Variants in SORCS3 observed in about 807,000 individuals in gnomAD.
SORCS3 encodes the protein sortilin related VPS10 domain containing receptor 3.
SORCS3 carries 57 observed loss-of-function variants against 146.3 expected under a neutral mutation model. The observed-to-expected ratio is 0.39, with a 90% confidence interval of 0.31 to 0.49. SORCS3 has a LOEUF of 0.49. Among genes scored for constraint, SORCS3 ranks in the 20% least tolerant of loss-of-function variants. The pLI is 0.92. For missense variants in SORCS3, 1,341 were observed against 1,575.5 expected (o/e 0.85, Z 2.52); for synonymous variants, 653 against 618.5 (o/e 1.06, Z -0.83).
intron 5 of SORCS3, among the ~76,000 whole-genome samples, chr10:105,067,853 C>G (rs551589265): frequency 6.6e-6 from 1 of 152,122 alleles, no homozygotes; most frequent in Non-Finnish European, 1.5e-5. Flanking sequence ...TTTTTACCTT[C>G]CTGACCATCC....
At chr10:104,706,915 G>A (rs2016344201) in intron 1 of SORCS3, among the ~76,000 whole-genome samples, 1 of 152,172 alleles carries the variant, frequency 6.6e-6, no homozygotes, top group Non-Finnish European at 1.5e-5. Flanking sequence ...GTGGAAGATT[G>A]CTGTGGTTGC....
rs535596493 is a variant in SORCS3, at chr10:104,981,441, T to C, written c.954+3948T>C. On this transcript the variant is annotated intron_variant, in intron 4 of 26. Transcript: ENST00000369701. ...TTAGAACAAAAGCTCTATAACTTCT[T>C]TTGAGGGCTGTGTCTTTGTCAGTTA... 2.6e-5 allele frequency among the ~76,000 whole-genome samples: 4 copies of C among 152,304 alleles called. No homozygotes were observed. In the South Asian group the frequency reaches 8.3e-4, roughly 32 times the overall value.
chr10:105,042,531 C>T (rs1185128876), intron 4 of SORCS3, among the ~76,000 whole-genome samples: 2 of 152,182 alleles, frequency 1.3e-5, no homozygotes, highest in East Asian at 1.9e-4. Context: ...TCAGACTCTA[C>T]ATTCAAAAAG....
chr10:104,652,987 A>G (rs2015581951), intron 1 of SORCS3, among the ~76,000 whole-genome samples: 1 of 152,252 alleles, frequency 6.6e-6, no homozygotes, highest in Non-Finnish European at 1.5e-5. Flanking sequence ...TGCTTAGGAA[A>G]TAACTTGAAC....
At chr10:105,179,527 G>A (rs1422430906) in intron 14 of SORCS3, among the ~76,000 whole-genome samples, 5 of 152,070 alleles carry the variant, frequency 3.3e-5, no homozygotes, top group Admixed American at 3.3e-4. Flanking sequence ...TTCTTATAGG[G>A]GATCTTTTTA....
At chr10:104,786,358 C>A (rs78456459) in intron 1 of SORCS3, among the ~76,000 whole-genome samples, 2 of 151,354 alleles carry the variant, frequency 1.3e-5, no homozygotes, top group African/African-American at 2.4e-5. Flanking sequence ...TCGAGACCAA[C>A]CTGGCTGACA....
chr10:105,120,283 A>G (rs898265764), intron 7 of SORCS3, among the ~76,000 whole-genome samples: 3 of 152,150 alleles, frequency 2.0e-5, no homozygotes, highest in African/African-American at 7.2e-5. Flanking sequence ...CTTTCCAGCC[A>G]TGTAGAACTG....
At chr10:105,117,495 C>T (rs939150783) in intron 7 of SORCS3, among the ~76,000 whole-genome samples, 6 of 152,146 alleles carry the variant, frequency 3.9e-5, no homozygotes, top group Admixed American at 3.9e-4. Context: ...TTCTCAAGGA[C>T]CTGGCACTAC....
intron 2 of SORCS3, among the ~76,000 whole-genome samples, chr10:104,900,264 G>A (rs557668425): frequency 1.3e-5 from 2 of 152,248 alleles, no homozygotes; most frequent in Non-Finnish European, 2.9e-5. Flanking sequence ...AGGCACTCAG[G>A]TTTGGTATCT....
chr10:105,044,877 T>A (rs1161639038), intron 5 of SORCS3, among the ~76,000 whole-genome samples: 1 of 151,976 alleles, frequency 6.6e-6, no homozygotes, highest in Non-Finnish European at 1.5e-5. Flanking sequence ...TTGCCTGTAT[T>A]TGGAACTATG....
At chr10:104,713,565 C>T (rs1238869207) in intron 1 of SORCS3, among the ~76,000 whole-genome samples, 1 of 152,060 alleles carries the variant, frequency 6.6e-6, no homozygotes, top group Admixed American at 6.6e-5. Context: ...CAGGGTTTTT[C>T]TTCTATAGTC....
intron 3 of SORCS3, among the ~76,000 whole-genome samples, chr10:104,959,671 C>A (rs920811349): frequency 6.6e-6 from 1 of 152,114 alleles, no homozygotes; most frequent in Non-Finnish European, 1.5e-5. Context: ...GAGACAAGAG[C>A]TGTGGAAGAA....
In SORCS3 at chr10:105,003,998, C is replaced by CTTTT. The variant is rs35604992; in HGVS notation, c.954+26506_954+26507insTTTT. On this transcript the variant is annotated intron_variant, in intron 4 of 26. Coordinates refer to ENST00000369701, the MANE Select transcript of SORCS3 (RefSeq NM_014978.3). ...TTCCCCTCCTTTTTTTCTCTTCTCTCTCTTTTTTTTTTTTTTACCAGAGAA... is the reference window on the plus strand; with the variant it reads ...TTCCCCTCCTTTTTTTCTCTTCTCTCTTTTTCTTTTTTTTTTTTTTACCAGAGAA... 7.7e-4 allele frequency among the ~76,000 whole-genome samples: 105 copies of CTTTT among 136,028 alleles called. 3 individuals are homozygous for CTTTT. The highest frequency in any genetic ancestry group is 2.7e-3 in the African/African-American group (92 of 34,246). The allele number at this position is 136,028 out of a possible 152,430, so 89.2% of individuals were successfully genotyped here. A position where few individuals can be genotyped will look rare whatever the true frequency, so the allele number is the denominator to read the frequency against.
At chr10:105,255,447 A>G (rs2119761621) in intron 23 of SORCS3, among the ~76,000 whole-genome samples, 2 of 152,254 alleles carry the variant, frequency 1.3e-5, no homozygotes, top group South Asian at 2.1e-4. Flanking sequence ...CGTTGTGCAC[A>G]TGTACCCTAA....
chr10:105,139,545 G>GTGGCTCACGC, intron 8 of SORCS3, 59 bp downstream of exon 8: 1 of 1,369,822 alleles, frequency 7.3e-7, no homozygotes, highest in Admixed American at 1.7e-5. Flanking sequence ...GGTTGGAGAG[G>GTGGCTCACGC]CTGCTTTGTT....
At chr10:104,775,864 G>C (rs183679439) in intron 1 of SORCS3, among the ~76,000 whole-genome samples, 1 of 152,204 alleles carries the variant, frequency 6.6e-6, no homozygotes, top group Non-Finnish European at 1.5e-5. Context: ...ATAGCAAGAA[G>C]GTAGAAGCAG....
chr10:105,223,527 C>T (rs906369172), intron 20 of SORCS3, among the ~76,000 whole-genome samples: 1 of 152,188 alleles, frequency 6.6e-6, no homozygotes, highest in East Asian at 1.9e-4. Flanking sequence ...AAATTTCATT[C>T]GTTCCATTTT....
rs1430769343 is a variant in SORCS3 at position 105,264,155 on chromosome 10, A to T, written c.*781A>T. 1 of 67,296 alleles carries T rather than the reference A, an allele frequency of 1.5e-5. No homozygotes were observed. Among genetic ancestry groups the T allele is most frequent in the Non-Finnish European group, 2.8e-5 (1 of 35,874 alleles). 4.2% of individuals were successfully genotyped at this position (67,296 alleles called of 1,614,324 possible). ...TATGTATATAAAGGGGGGTGGGGGG[A>T]GGGGCTTCTCTGGGGCAATTGATAA... On this transcript the variant is annotated 3_prime_UTR_variant, in exon 27 of 27. Coordinates refer to ENST00000369701, the MANE Select transcript of SORCS3 (RefSeq NM_014978.3).
chr10:104,877,931 A>T (rs931632556), intron 2 of SORCS3, among the ~76,000 whole-genome samples: 37 of 152,150 alleles, frequency 2.4e-4, no homozygotes, highest in African/African-American at 8.4e-4. Flanking sequence ...AGATTTTGAA[A>T]ATCTGTTTAC....
Sources: gnomAD v4.1 joint callset for allele counts (sites outside exome capture counted in the v4.1 genomes callset) on GRCh38, gnomAD v4.1.1 for gene constraint, MANE v1.5 for transcripts, NCBI Gene and HGNC (gene_info 2026-07-23, HGNC 2026-07-21) for gene names.